Variants in GLYAT observed in about 807,000 individuals in gnomAD.
GLYAT encodes glycine N-acyltransferase.
GLYAT carries 25 observed loss-of-function variants against 22.8 expected under a neutral mutation model. The observed-to-expected ratio is 1.09, with a 90% CI of 0.80 to 1.53. GLYAT has a LOEUF of 1.53. Among genes scored for constraint, GLYAT ranks in the 40% most tolerant of loss-of-function variants. GLYAT has a pLI of 0.00. For synonymous variants in GLYAT, 140 were observed against 122.7 expected, an observed-to-expected ratio of 1.14 and a Z score of -0.93; for missense variants, 411 against 353.9, an observed-to-expected ratio of 1.16 and a Z score of -1.29.
At chr11:58,718,203 A>G (rs1856707066) in intron 2 of GLYAT, among the ~76,000 whole-genome samples, 1 of 152,092 alleles carries the variant, frequency 6.6e-6, no homozygotes. Context: ...TTCTTATTGC[A>G]CTTATGCAAA....
intron 2 of GLYAT, among the ~76,000 whole-genome samples, chr11:58,722,697 G>A (rs1856764872): frequency 6.6e-6 from 1 of 152,046 alleles, no homozygotes. Context: ...TTTCTTTAGT[G>A]ATTTTGGGGG....
At chr11:58,719,972 T>C (rs564143985) in intron 2 of GLYAT, among the ~76,000 whole-genome samples, 1 of 152,126 alleles carries the variant, frequency 6.6e-6, no homozygotes, top group South Asian at 2.1e-4. Context: ...CATCCCTCTT[T>C]TTTAAACAAC....
chr11:58,718,453 A>G (rs1187998886), intron 2 of GLYAT, among the ~76,000 whole-genome samples: 1 of 152,062 alleles, frequency 6.6e-6, no homozygotes, highest in Non-Finnish European at 1.5e-5. Flanking sequence ...CTTGATACTC[A>G]TTAACATTTT....
intron 2 of GLYAT, among the ~76,000 whole-genome samples, chr11:58,723,319 A>AG (rs1856775057): frequency 6.6e-6 from 1 of 152,108 alleles, no homozygotes; most frequent in Non-Finnish European, 1.5e-5. Context: ...CTTAAATATT[A>AG]GGTAATTTTG....
At chr11:58,720,638 C>T (rs769755044) in intron 2 of GLYAT, among the ~76,000 whole-genome samples, 6 of 151,982 alleles carry the variant, frequency 3.9e-5, no homozygotes, top group Non-Finnish European at 5.9e-5. Flanking sequence ...ACTGCCTAAA[C>T]CCACAGGATT....
At chr11:58,729,106 C>G (rs1168481490) in intron 1 of GLYAT, among the ~76,000 whole-genome samples, 1 of 152,152 alleles carries the variant, frequency 6.6e-6, no homozygotes, top group East Asian at 1.9e-4. Context: ...ACCCTTCTAG[C>G]CTCTTCTGTT....
rs775854082 is a variant in GLYAT at position 58,710,680 on chromosome 11, A to C, written c.398T>G (p.Leu133Arg). The stretch of plus-strand genomic sequence containing the variant: ...CTTGGCTGTTTCAGCTGCCATATAG[A>C]GAATGCGTTGTGTTTGTTTGACTTT... The part of the protein sequence containing the change: ...SFKVKQTQRI[L>R]YMAAETAKEL... The change falls in exon 5 of 6, where the codon CTC (leucine) becomes CGC (arginine). Residue 133 changes from leucine (L) to arginine (R), a missense_variant. Physicochemically the swap from Leu to Arg is moderately radical, Grantham distance 102. Coordinates refer to ENST00000344743, the MANE Select transcript of GLYAT (RefSeq NM_201648.3). 107 of 1,613,124 alleles carry C rather than the reference A, an allele frequency of 6.6e-5. No individual in the cohort carries two copies. The highest frequency in any genetic ancestry group is 8.6e-5 in the Non-Finnish European group (102 of 1,179,254).
rs762730101 is a variant in GLYAT, at chr11:58,710,002, A to C, written c.655T>G (p.Trp219Gly). ...TCTCCAGTCTGGTCCATTAGATCCCAGCACACAGGGGTCCCCTCAGGCCCC... is the reference window on the plus strand; with the variant it reads ...TCTCCAGTCTGGTCCATTAGATCCCCGCACACAGGGGTCCCCTCAGGCCCC... ...LLGPEGTPVCWDLMDQTGEMR... is the reference protein window; with the variant it reads ...LLGPEGTPVCGDLMDQTGEMR... The change falls in exon 6 of 6, where the codon TGG becomes GGG. Residue 219 changes from tryptophan (W) to glycine (G), a missense_variant. By Grantham distance (184) the Trp-to-Gly change is radical (BLOSUM62 -2). Transcript: ENST00000344743. The C allele has an allele frequency of 6.2e-7, 1 of 1,614,126 alleles. No homozygotes were observed. Among genetic ancestry groups the C allele is most frequent in the African/African-American group, 1.3e-5 (1 of 75,068 alleles).
At chr11:58,711,700 A>G (rs1357403295) in intron 4 of GLYAT, among the ~76,000 whole-genome samples, 18 of 152,174 alleles carry the variant, frequency 1.2e-4, no homozygotes, top group Admixed American at 1.2e-3. Context: ...GTGTAATAAT[A>G]TGAGGCAATG....
chr11:58,725,966 C>G (rs1417460534), intron 1 of GLYAT, among the ~76,000 whole-genome samples: 1 of 152,068 alleles, frequency 6.6e-6, no homozygotes, highest in Non-Finnish European at 1.5e-5. Context: ...AAGTTCATAT[C>G]ATAATTAAAC....
intron 1 of GLYAT, among the ~76,000 whole-genome samples, chr11:58,725,682 G>T (rs1856803984): frequency 6.6e-6 from 1 of 152,146 alleles, no homozygotes; most frequent in Non-Finnish European, 1.5e-5. Context: ...AAAAACATCA[G>T]AGCAGGAGGG....
At chr11:58,724,373 C>A in intron 2 of GLYAT, 43 bp downstream of exon 2, 1 of 1,057,446 alleles carries the variant, frequency 9.5e-7, no homozygotes, top group Non-Finnish European at 1.4e-6. Context: ...TCTTTCACAT[C>A]AAGTTTGTCT....
At chr11:58,725,105 A>AT (rs1456301425) in intron 1 of GLYAT, among the ~76,000 whole-genome samples, 1 of 152,088 alleles carries the variant, frequency 6.6e-6, no homozygotes, top group African/African-American at 2.4e-5. Flanking sequence ...TGATATAGGC[A>AT]TTTTAATAAA....
At chr11:58,728,909 G>GGAAA (rs1247564362) in intron 1 of GLYAT, among the ~76,000 whole-genome samples, 20 of 111,160 alleles carry the variant, frequency 1.8e-4, no homozygotes, top group African/African-American at 6.4e-4. Flanking sequence ...AAGGAAGGAA[G>GGAAA]GAAGGAAGGA....
At position 58,709,709 on chromosome 11, in the gene GLYAT, A is replaced by T. The variant is rs995422957; in HGVS notation, c.*57T>A. Reference sequence around the variant, plus strand: ...TATTATTTCTTTTCATCCACCATCCACTCCTCAAATTATACGCCCAGACCT... The same window carrying T: ...TATTATTTCTTTTCATCCACCATCCTCTCCTCAAATTATACGCCCAGACCT... On this transcript the variant is annotated 3_prime_UTR_variant, in exon 6 of 6. Transcript: ENST00000344743. 1.3e-6 allele frequency: 2 copies of T among 1,521,864 alleles called. No homozygotes were observed. The highest frequency in any genetic ancestry group is 2.8e-5 in the African/African-American group (2 of 71,848). 94.3% of individuals were successfully genotyped at this position (1,521,864 alleles called of 1,614,324 possible). A position where few individuals can be genotyped will look rare whatever the true frequency, so the allele number is the denominator to read the frequency against.
intron 2 of GLYAT, among the ~76,000 whole-genome samples, chr11:58,715,812 T>C (rs1158915025): frequency 6.6e-6 from 1 of 152,192 alleles, no homozygotes; most frequent in Non-Finnish European, 1.5e-5. Flanking sequence ...GCATCACAGT[T>C]AATCACTTGC....
Position 58,709,678 on chromosome 11 carries a change from A to T in GLYAT, c.*88T>A. Reference sequence around the variant, plus strand: ...AGTGCCCACTCCTTTACTGCTGATTACAATTTATTATTTCTTTTCATCCAC... The same window carrying T: ...AGTGCCCACTCCTTTACTGCTGATTTCAATTTATTATTTCTTTTCATCCAC... On this transcript the variant is annotated 3_prime_UTR_variant, in exon 6 of 6. Coordinates refer to ENST00000344743, the MANE Select transcript of GLYAT (RefSeq NM_201648.3). The T allele has an allele frequency of 7.2e-7, 1 of 1,391,986 alleles. No homozygotes were observed. Among genetic ancestry groups the T allele is most frequent in the Non-Finnish European group, 9.8e-7 (1 of 1,016,694 alleles). The allele number at this position is 1,391,986 out of a possible 1,614,324, so 86.2% of individuals were successfully genotyped here. A position where few individuals can be genotyped will look rare whatever the true frequency, so the allele number is the denominator to read the frequency against.
chr11:58,718,436 T>C (rs964136392), intron 2 of GLYAT, among the ~76,000 whole-genome samples: 2 of 152,108 alleles, frequency 1.3e-5, no homozygotes, highest in African/African-American at 4.8e-5. Context: ...AGTTAATTCC[T>C]ATTTTGCTTG....
At position 58,709,842 on chromosome 11, in the gene GLYAT, A is replaced by G. The variant is rs149668211; in HGVS notation, c.815T>C (p.Met272Thr). 932 of 1,613,894 alleles carry G rather than the reference A, an allele frequency of 5.8e-4. No individual in the cohort carries two copies. Among genetic ancestry groups the G allele is most frequent in the Middle Eastern group, 8.3e-4 (5 of 6,058 alleles). The change falls in exon 6 of 6, where the codon ATG becomes ACG. Residue 272 changes from methionine to threonine, a missense_variant. Physicochemically the swap from Met to Thr is moderately conservative, Grantham distance 81 (BLOSUM62 -1). Coordinates refer to ENST00000344743, the MANE Select transcript of GLYAT (RefSeq NM_201648.3). ...TTGCAGTGTGTAACTCATTTTTTGC[A>G]TAGCTTCATTGCTGTAGTCTACATG... is the stretch of plus-strand genomic sequence containing the variant. ...YSHVDYSNEA[M>T]QKMSYTLQHV... is the part of the protein sequence containing the mutation.
Sources: allele counts gnomAD v4.1 joint callset (sites outside exome capture counted in the v4.1 genomes callset), GRCh38; gene constraint gnomAD v4.1.1; transcripts MANE v1.5; gene names NCBI Gene and HGNC (gene_info 2026-07-23, HGNC 2026-07-21).